The following ECT2L variants were observed in gnomAD, a reference collection of about 807,000 sequenced individuals.
The protein encoded by ECT2L is epithelial cell transforming 2 like.
A neutral mutation model predicts 122.8 loss-of-function variants in ECT2L; 126 were observed. The ratio of observed to expected loss-of-function variants is 1.03; its 90% CI spans 0.89 to 1.19. The LOEUF (loss-of-function observed/expected upper bound fraction) is 1.19. Among genes scored for constraint, ECT2L ranks in the 50% most tolerant of loss-of-function variants. The pLI is 0.00. For synonymous variants in ECT2L, 385 were observed against 381.8 expected, an observed-to-expected ratio of 1.01 and a Z score of -0.10; for missense variants, 1,012 against 1,064.1, an observed-to-expected ratio of 0.95 and a Z score of 0.68.
intron 4 of ECT2L, among the ~76,000 whole-genome samples, chr6:138,830,285 C>G (rs1028354936): frequency 6.6e-6 from 1 of 152,144 alleles, no homozygotes; most frequent in African/African-American, 2.4e-5. Flanking sequence ...CAGGGGTGGA[C>G]AAGCTTTTTC....
At chr6:138,851,480 GCCT>G (rs1369632107) in intron 9 of ECT2L, among the ~76,000 whole-genome samples, 1 of 128,324 alleles carries the variant, frequency 7.8e-6, no homozygotes, top group Non-Finnish European at 1.6e-5. Context: ...ACTGTGCCTA[GCCT>G]TTTTTTTTTT....
intron 7 of ECT2L, among the ~76,000 whole-genome samples, chr6:138,845,017 C>G (rs1229847848): frequency 6.6e-6 from 1 of 151,974 alleles, no homozygotes; most frequent in African/African-American, 2.4e-5. Flanking sequence ...CATTTTTCCA[C>G]AAGTGTTTTC....
intron 9 of ECT2L, among the ~76,000 whole-genome samples, chr6:138,850,562 T>C (rs1319935897): frequency 6.6e-6 from 1 of 152,228 alleles, no homozygotes; most frequent in African/African-American, 2.4e-5. Context: ...TGATGGAAAC[T>C]GGGTTGCTTC....
intron 13 of ECT2L, among the ~76,000 whole-genome samples, chr6:138,868,638 A>T (rs533444272): frequency 6.6e-6 from 1 of 152,326 alleles, no homozygotes; most frequent in South Asian, 2.1e-4. Flanking sequence ...AGAGGAAGGG[A>T]AAGAGAACAC....
At chr6:138,845,098 C>A (rs536825191) in intron 7 of ECT2L, among the ~76,000 whole-genome samples, 1 of 152,092 alleles carries the variant, frequency 6.6e-6, no homozygotes, top group East Asian at 1.9e-4. Context: ...AAATATAATT[C>A]TTTTATAATA....
intron 12 of ECT2L, among the ~76,000 whole-genome samples, chr6:138,865,806 C>A (rs941131892): frequency 6.6e-6 from 1 of 152,182 alleles, no homozygotes; most frequent in Non-Finnish European, 1.5e-5. Flanking sequence ...TTCTCATCTG[C>A]AACTACTCAT....
intron 13 of ECT2L, among the ~76,000 whole-genome samples, chr6:138,873,516 G>A (rs913319506): frequency 3.9e-5 from 6 of 152,238 alleles, no homozygotes; most frequent in Admixed American, 1.3e-4. Context: ...CCTTCCAGCC[G>A]GGAGCAGCGG....
At chr6:138,825,614 C>A (rs1344462600) in intron 4 of ECT2L, among the ~76,000 whole-genome samples, 1 of 151,998 alleles carries the variant, frequency 6.6e-6, no homozygotes, top group Non-Finnish European at 1.5e-5. Flanking sequence ...GAAAAGAATA[C>A]AGATAAGCAA....
intron 20 of ECT2L, among the ~76,000 whole-genome samples, chr6:138,895,414 A>T (rs991296908): frequency 6.6e-6 from 1 of 152,172 alleles, no homozygotes; most frequent in Non-Finnish European, 1.5e-5. Context: ...TAAGTTGCCT[A>T]AAGTCATAGA....
chr6:138,836,909 G>A (rs1365141079), intron 4 of ECT2L, among the ~76,000 whole-genome samples: 2 of 151,932 alleles, frequency 1.3e-5, no homozygotes, highest in South Asian at 2.1e-4. Context: ...ATTTTCTGGT[G>A]TCAAAATGTT....
chr6:138,822,812 T>C, intron 4 of ECT2L: 1 of 1,613,262 alleles, frequency 6.2e-7, no homozygotes, highest in African/African-American at 1.3e-5. Flanking sequence ...ATGGCACTTA[T>C]GACTACAGTC....
intron 4 of ECT2L, among the ~76,000 whole-genome samples, chr6:138,829,173 C>A (rs774874556): frequency 6.6e-6 from 1 of 152,042 alleles, no homozygotes; most frequent in Admixed American, 6.6e-5. Context: ...CTAATAATTT[C>A]TTTTCTTTCT....
At chr6:138,896,210 C>T (rs1379855821) in intron 20 of ECT2L, among the ~76,000 whole-genome samples, 4 of 149,526 alleles carry the variant, frequency 2.7e-5, no homozygotes, top group Non-Finnish European at 4.5e-5. Flanking sequence ...GGATTACAGG[C>T]GTGAGCCACT....
At chr6:138,810,068 T>C (rs1775840658) in intron 1 of ECT2L, among the ~76,000 whole-genome samples, 1 of 152,270 alleles carries the variant, frequency 6.6e-6, no homozygotes, top group East Asian at 1.9e-4. Flanking sequence ...AGAAAATGAA[T>C]GTTATGTTAT....
intron 20 of ECT2L, among the ~76,000 whole-genome samples, chr6:138,900,677 C>G (rs551527137): frequency 3.3e-5 from 5 of 152,132 alleles, no homozygotes; most frequent in Non-Finnish European, 7.4e-5. Context: ...TCATTTTTCC[C>G]GCAAGGATTA....
Position 138,847,355 on chromosome 6 carries a change from C to CTTTTTTTTTTTTTTTTTTT in ECT2L, c.903+693_903+711dup, listed in dbSNP as rs1170631663. Among the ~76,000 whole-genome samples the CTTTTTTTTTTTTTTTTTTT allele has an allele frequency of 5.5e-5, 3 of 54,904 alleles. 1 individual carries two copies. The highest frequency in any genetic ancestry group is 2.4e-4 in the African/African-American group (3 of 12,272). The allele number at this position is 54,904 out of a possible 152,430, so 36.0% of individuals were successfully genotyped here. A position where few individuals can be genotyped will look rare whatever the true frequency, so the allele number is the denominator to read the frequency against. ...TTTGAAAAAGCATTAAAGGCCCAAACTTTTTTTTTTTTTTTTTTTTTTTTT... is the reference window on the plus strand; with the variant it reads ...TTTGAAAAAGCATTAAAGGCCCAAACTTTTTTTTTTTTTTTTTTTTTTTTTTTTTTTTTTTTTTTTTTTT... On this transcript the variant is annotated intron_variant, in intron 8 of 21. Transcript: ENST00000541398.
chr6:138,842,791 A>G (rs979096046), intron 5 of ECT2L, among the ~76,000 whole-genome samples, 188 bp from the exon 6 acceptor site: 1 of 152,228 alleles, frequency 6.6e-6, no homozygotes, highest in Non-Finnish European at 1.5e-5. Flanking sequence ...AAAATAAAAT[A>G]TAAAAAAAAT....
At chr6:138,824,570 AAAAAC>A in intron 4 of ECT2L, among the ~76,000 whole-genome samples, 1 of 125,902 alleles carries the variant, frequency 7.9e-6, no homozygotes, top group East Asian at 2.3e-4. Flanking sequence ...AAAAAAAACA[AAAAAC>A]AAAAACAAAA....
intron 11 of ECT2L, among the ~76,000 whole-genome samples, chr6:138,863,502 A>G (rs985476185): frequency 1.3e-5 from 2 of 152,352 alleles, no homozygotes; most frequent in East Asian, 3.9e-4. Flanking sequence ...TTTAGTTAAT[A>G]TAGCAGCGTC....
Sources: allele counts gnomAD v4.1 joint callset (sites outside exome capture counted in the v4.1 genomes callset), GRCh38; gene constraint gnomAD v4.1.1; transcripts MANE v1.5; gene names NCBI Gene and HGNC (gene_info 2026-07-23, HGNC 2026-07-21).